The following NR3C2 variants were observed in gnomAD, a reference collection of about 807,000 sequenced individuals.
NR3C2 encodes the protein nuclear receptor subfamily 3 group C member 2.
In NR3C2, 15 loss-of-function variants were observed where a neutral mutation model predicts 86.4. That is an observed-to-expected ratio of 0.17 (90% CI 0.12 to 0.27). NR3C2 has a LOEUF of 0.27. NR3C2 is among the 10% of genes least tolerant of loss of function. The probability of loss-of-function intolerance (pLI) is 1.00; values close to 1 mark genes in which losing one functional copy is unlikely to be tolerated. For missense variants in NR3C2, 960 were observed against 1,195.6 expected, an observed-to-expected ratio of 0.80 and a Z score of 2.91; for synonymous variants, 458 against 450.5, an observed-to-expected ratio of 1.02 and a Z score of -0.21.
intron 3 of NR3C2, among the ~76,000 whole-genome samples, chr4:148,198,125 A>G (rs1188926548): frequency 6.6e-6 from 1 of 152,160 alleles, no homozygotes; most frequent in Non-Finnish European, 1.5e-5. Flanking sequence ...AACTAAATTA[A>G]AGGGAAAATA....
intron 3 of NR3C2, among the ~76,000 whole-genome samples, chr4:148,256,999 T>C (rs1486832939): frequency 2.0e-5 from 3 of 152,212 alleles, no homozygotes; most frequent in Non-Finnish European, 4.4e-5. Flanking sequence ...CTCTAGATCA[T>C]AAAGCCTTAA....
At chr4:148,159,647 C>T (rs57831907) in intron 4 of NR3C2, among the ~76,000 whole-genome samples, 5,446 of 152,292 alleles carry the variant, frequency 0.036, 341 homozygotes, top group African/African-American at 0.12. Context: ...AGTTCACGCC[C>T]TTAACCTCTA....
At chr4:148,378,607 CCT>C (rs1306821492) in intron 2 of NR3C2, among the ~76,000 whole-genome samples, 12 of 152,190 alleles carry the variant, frequency 7.9e-5, no homozygotes, top group South Asian at 2.1e-4. Flanking sequence ...TGGAACCTCC[CCT>C]GTCTCTTTCT....
chr4:148,342,612 T>G (rs1744800644), intron 2 of NR3C2, among the ~76,000 whole-genome samples: 1 of 152,178 alleles, frequency 6.6e-6, no homozygotes, highest in East Asian at 1.9e-4. Flanking sequence ...TATAATCCGT[T>G]CCCACATATC....
intron 4 of NR3C2, among the ~76,000 whole-genome samples, chr4:148,181,090 A>C (rs1310752629): frequency 1.3e-5 from 2 of 152,202 alleles, no homozygotes; most frequent in African/African-American, 2.4e-5. Context: ...GGATCCTGCT[A>C]AACTCAGTGA....
At chr4:148,442,711 C>G (rs61760026), upstream of NR3C2, 9 of 985,302 alleles carry the variant, frequency 9.1e-6, no homozygotes, top group East Asian at 1.1e-4. Context: ...AGCCTGGACT[C>G]GGCAGCTTCC....
chr4:148,229,066 A>G (rs1305545821), intron 3 of NR3C2, among the ~76,000 whole-genome samples: 3 of 152,228 alleles, frequency 2.0e-5, no homozygotes, highest in African/African-American at 7.2e-5. Flanking sequence ...CACAAGGTCT[A>G]GGCCAAGAAA....
chr4:148,412,821 G>GCACA (rs370759208), intron 2 of NR3C2, among the ~76,000 whole-genome samples: 52,523 of 115,884 alleles, frequency 0.45, 9,198 homozygotes, highest in Non-Finnish European at 0.51. Flanking sequence ...GCACATGTGC[G>GCACA]CACACACACA....
chr4:148,269,144 A>C (rs1396145713), intron 2 of NR3C2, among the ~76,000 whole-genome samples: 1 of 152,176 alleles, frequency 6.6e-6, no homozygotes, highest in Non-Finnish European at 1.5e-5. Flanking sequence ...CTACAAAAAA[A>C]CCAACATTTC....
At chr4:148,256,129 T>C (rs551769944) in intron 3 of NR3C2, among the ~76,000 whole-genome samples, 3 of 152,290 alleles carry the variant, frequency 2.0e-5, no homozygotes, top group African/African-American at 7.2e-5. Context: ...CAGAGGCTTG[T>C]TACAGGAGTA....
chr4:148,144,484 TGCCTG>T (rs1202479719), intron 6 of NR3C2, among the ~76,000 whole-genome samples: 3 of 152,150 alleles, frequency 2.0e-5, no homozygotes, highest in Non-Finnish European at 2.9e-5. Context: ...TGAGGTACCA[TGCCTG>T]GCTAAAAGCG....
chr4:148,247,382 T>C (rs1027933525), intron 3 of NR3C2, among the ~76,000 whole-genome samples: 2 of 152,202 alleles, frequency 1.3e-5, no homozygotes, highest in Admixed American at 1.3e-4. Flanking sequence ...TACCCGTATC[T>C]GAAAACTCCA....
chr4:148,122,987 A>G (rs533729737), intron 6 of NR3C2, among the ~76,000 whole-genome samples: 2 of 152,234 alleles, frequency 1.3e-5, no homozygotes, highest in South Asian at 2.1e-4. Flanking sequence ...AAAAAAAGCC[A>G]TATTTTTCTT....
At chr4:148,162,804 C>T (rs1015464113) in intron 4 of NR3C2, among the ~76,000 whole-genome samples, 4 of 152,128 alleles carry the variant, frequency 2.6e-5, no homozygotes, top group East Asian at 1.9e-4. Context: ...GGATTGATTA[C>T]GCCTGACAAC....
chr4:148,380,409 A>C (rs975209584), intron 2 of NR3C2, among the ~76,000 whole-genome samples: 1 of 152,228 alleles, frequency 6.6e-6, no homozygotes. Context: ...ATTATGAATA[A>C]TGCTGCTATG....
At chr4:148,314,870 T>C (rs1743086383) in intron 2 of NR3C2, among the ~76,000 whole-genome samples, 2 of 152,216 alleles carry the variant, frequency 1.3e-5, no homozygotes, top group Admixed American at 6.6e-5. Context: ...AATTACACAA[T>C]GAACTTTAAC....
intron 2 of NR3C2, among the ~76,000 whole-genome samples, chr4:148,344,730 A>T (rs1474845466): frequency 6.6e-6 from 1 of 152,192 alleles, no homozygotes; most frequent in Admixed American, 6.6e-5. Flanking sequence ...ACATTCTAAA[A>T]ATCAGACAAT....
intron 2 of NR3C2, among the ~76,000 whole-genome samples, chr4:148,320,625 A>G (rs1429438620): frequency 3.3e-5 from 5 of 151,188 alleles, no homozygotes; most frequent in Non-Finnish European, 7.4e-5. Flanking sequence ...GTGTCGAAGA[A>G]GTTATCCATT....
In NR3C2 at chr4:148,088,807, C is replaced by T. The variant is rs142314973; in HGVS notation, c.2800-7308G>A. The stretch of plus-strand genomic sequence containing the variant: ...GCAGCAAACCACCATGGCACGTGTA[C>T]CCCAGAACTTTAATAACAATTATAA... On this transcript the variant is annotated intron_variant, in intron 8 of 8. Transcript: ENST00000358102. Among the ~76,000 whole-genome samples, 88 of 152,024 alleles carry T rather than the reference C, an allele frequency of 5.8e-4. No homozygotes were observed. In the East Asian group the frequency reaches 5.8e-3, roughly 10 times the overall value.
Sources: allele counts gnomAD v4.1 joint callset (sites outside exome capture counted in the v4.1 genomes callset), GRCh38; gene constraint gnomAD v4.1.1; transcripts MANE v1.5; gene names NCBI Gene and HGNC (gene_info 2026-07-23, HGNC 2026-07-21).